The following VRK1 variants were observed in gnomAD, a reference collection of about 807,000 sequenced individuals.
The protein encoded by VRK1 is serine/threonine-protein kinase VRK1.
In VRK1, 33 loss-of-function variants were observed where a neutral mutation model predicts 57.1. The observed-to-expected ratio is 0.58, with a 90% CI of 0.44 to 0.77. The LOEUF is 0.77. VRK1 is among the 30% of genes least tolerant of loss of function. The pLI is 0.00. For missense variants in VRK1, 413 were observed against 477.3 expected (o/e 0.87, Z 1.25); for synonymous variants, 137 against 147.8 (o/e 0.93, Z 0.53).
chr14:96,797,616 C>T (rs1294521928), intron 1 of VRK1, among the ~76,000 whole-genome samples, 169 bp downstream of exon 1: 1 of 152,044 alleles, frequency 6.6e-6, no homozygotes, highest in Non-Finnish European at 1.5e-5. Context: ...CGCGCTCCGC[C>T]GCGTGGCTTC....
intron 11 of VRK1, among the ~76,000 whole-genome samples, chr14:96,870,672 G>A (rs573754608): frequency 3.2e-4 from 49 of 152,046 alleles, no homozygotes; most frequent in Non-Finnish European, 5.6e-4. Flanking sequence ...TTGAATTTAC[G>A]GTTTTCAAAA....
intron 1 of VRK1, among the ~76,000 whole-genome samples, chr14:96,802,895 C>G (rs910709543): frequency 6.6e-6 from 1 of 152,276 alleles, no homozygotes; most frequent in Non-Finnish European, 1.5e-5. Flanking sequence ...TGTACAGGTT[C>G]TTTTGTGACT....
In VRK1 at chr14:96,804,206, T is replaced by C. The variant is rs1885781798; in HGVS notation, c.-6+6759T>C. On this transcript the variant is annotated intron_variant, in intron 1 of 12. Coordinates refer to ENST00000216639, the MANE Select transcript of VRK1 (RefSeq NM_003384.3). ...TTTTGCACAGGATGTGAGCTTTAGA[T>C]CTTGGTACATTTTTCTTTTCCTTTT... Among the ~76,000 whole-genome samples, 3 of 152,346 alleles carry C rather than the reference T, an allele frequency of 2.0e-5. No homozygotes were observed. The South Asian group carries it at 6.2e-4, about 32-fold the overall frequency.
intron 12 of VRK1, 76 bp from the exon 13 acceptor site, chr14:96,881,101 G>T: frequency 8.3e-7 from 1 of 1,204,742 alleles, no homozygotes; most frequent in Non-Finnish European, 1.2e-6. Context: ...CTATATTTAG[G>T]GATATTTATA....
intron 2 of VRK1, among the ~76,000 whole-genome samples, chr14:96,834,987 C>T (rs901584718): frequency 6.6e-6 from 1 of 152,102 alleles, no homozygotes; most frequent in Non-Finnish European, 1.5e-5. Context: ...GCTTTTGTAA[C>T]CTTTTGCAAA....
rs758898049 is a variant in VRK1 at position 96,854,834 on chromosome 14, A to T, written c.577-390A>T. 3.6e-4 allele frequency among the ~76,000 whole-genome samples: 55 copies of T among 152,192 alleles called. 1 individual carries two copies. Among genetic ancestry groups the T allele is most frequent in the Non-Finnish European group, 7.1e-4 (48 of 68,024 alleles). On this transcript the variant is annotated intron_variant, in intron 7 of 12. Transcript: ENST00000216639. ...TACTGGGTGTGCTTTTCTGTGTGGA[A>T]AGTAGCAGTTGTATTGCAACAAGTA...
chr14:96,799,014 G>C (rs560464805), intron 1 of VRK1, among the ~76,000 whole-genome samples: 13 of 152,144 alleles, frequency 8.5e-5, no homozygotes, highest in South Asian at 2.1e-4. Context: ...CAATAAACTT[G>C]TGTTAGGCGT....
At chr14:96,814,657 A>G (rs933071693) in intron 1 of VRK1, among the ~76,000 whole-genome samples, 4 of 152,146 alleles carry the variant, frequency 2.6e-5, no homozygotes, top group African/African-American at 9.7e-5. Context: ...GTGGGGATAC[A>G]TTGTTGCACA....
At chr14:96,823,207 A>C (rs1309160928) in intron 1 of VRK1, among the ~76,000 whole-genome samples, 1 of 152,192 alleles carries the variant, frequency 6.6e-6, no homozygotes, top group South Asian at 2.1e-4. Context: ...TAGGTAACAT[A>C]TGCATTATTT....
At chr14:96,859,493 T>C (rs1003507558) in intron 10 of VRK1, among the ~76,000 whole-genome samples, 1 of 152,250 alleles carries the variant, frequency 6.6e-6, no homozygotes, top group Non-Finnish European at 1.5e-5. Flanking sequence ...TGGTGATATT[T>C]GTTTTAGGTT....
intron 1 of VRK1, among the ~76,000 whole-genome samples, chr14:96,806,977 A>G (rs945885308): frequency 1.3e-5 from 2 of 152,088 alleles, no homozygotes; most frequent in African/African-American, 4.8e-5. Context: ...TTCCTGGCCC[A>G]CCATTCTTGT....
At chr14:96,838,400 A>G (rs2078152792) in intron 3 of VRK1, among the ~76,000 whole-genome samples, 1 of 152,214 alleles carries the variant, frequency 6.6e-6, no homozygotes, top group South Asian at 2.1e-4. Flanking sequence ...GAACTAGAAG[A>G]CATTTTACCG....
At chr14:96,877,024 G>A (rs1332097102) in intron 12 of VRK1, among the ~76,000 whole-genome samples, 1 of 151,102 alleles carries the variant, frequency 6.6e-6, no homozygotes, top group African/African-American at 2.4e-5. Flanking sequence ...GCTATTCAGT[G>A]TGGCCCACAA....
At chr14:96,803,209 T>A (rs1396385755) in intron 1 of VRK1, among the ~76,000 whole-genome samples, 3 of 150,684 alleles carry the variant, frequency 2.0e-5, no homozygotes, top group African/African-American at 7.4e-5. Flanking sequence ...TCTTATCTTG[T>A]CCCCCAGGCT....
intron 2 of VRK1, among the ~76,000 whole-genome samples, chr14:96,837,443 T>A (rs1176588675): frequency 6.6e-6 from 1 of 152,194 alleles, no homozygotes; most frequent in Non-Finnish European, 1.5e-5. Context: ...TCTGGGGAAT[T>A]CACAATATCC....
At chr14:96,862,606 T>A (rs999524783) in intron 11 of VRK1, among the ~76,000 whole-genome samples, 1 of 151,768 alleles carries the variant, frequency 6.6e-6, no homozygotes, top group African/African-American at 2.4e-5. Flanking sequence ...ATATAATTTG[T>A]AAATGCTGTC....
chr14:96,835,963 T>A (rs1022823400), intron 2 of VRK1, among the ~76,000 whole-genome samples: 1 of 152,184 alleles, frequency 6.6e-6, no homozygotes, highest in Non-Finnish European at 1.5e-5. Flanking sequence ...ACCTCTCTGA[T>A]GACTCTCCAG....
intron 1 of VRK1, among the ~76,000 whole-genome samples, chr14:96,812,695 C>G (rs375441485): frequency 6.6e-6 from 1 of 151,996 alleles, no homozygotes; most frequent in Non-Finnish European, 1.5e-5. Flanking sequence ...AGAGACTGTT[C>G]GTTCTGTATT....
At chr14:96,869,865 C>T (rs1040663961) in intron 11 of VRK1, among the ~76,000 whole-genome samples, 8 of 152,120 alleles carry the variant, frequency 5.3e-5, no homozygotes, top group African/African-American at 1.4e-4. Context: ...TTAATAGTAA[C>T]TCTAATGTAG....
Sources: allele counts gnomAD v4.1 joint callset (sites outside exome capture counted in the v4.1 genomes callset), GRCh38; gene constraint gnomAD v4.1.1; transcripts MANE v1.5; gene names NCBI Gene and HGNC (gene_info 2026-07-23, HGNC 2026-07-21).